Variants in SPTAN1 observed in about 807,000 individuals in gnomAD.
SPTAN1 encodes the protein spectrin alpha chain, non-erythrocytic 1.
SPTAN1 carries 61 observed loss-of-function variants against 331.3 expected under a neutral mutation model. That is an observed-to-expected ratio of 0.18 (90% CI 0.15 to 0.23). The LOEUF (loss-of-function observed/expected upper bound fraction) is 0.23. Ranked by LOEUF, SPTAN1 falls within the 10% of genes least tolerant of loss-of-function variation. The probability of loss-of-function intolerance (pLI) is 1.00; values close to 1 mark genes in which losing one functional copy is unlikely to be tolerated. For synonymous variants in SPTAN1, 1,153 were observed against 1,173.9 expected, an observed-to-expected ratio of 0.98 and a Z score of 0.36; for missense variants, 2,043 against 3,147.9, an observed-to-expected ratio of 0.65 and a Z score of 8.40.
At chr9:128,573,763 T>C (rs1589172407) in intron 3 of SPTAN1, among the ~76,000 whole-genome samples, 1 of 150,760 alleles carries the variant, frequency 6.6e-6, no homozygotes, top group East Asian at 1.9e-4. Context: ...CCTTTTCTAC[T>C]TTTTTTTTGA....
rs1207318320 is a variant in SPTAN1 at position 128,618,899 on chromosome 9, T to C, written c.5629T>C (p.Tyr1877His). Residue 1877 changes from tyrosine (Y) to histidine (H), a missense_variant, in exon 44 of 57, where the codon TAT (tyrosine) becomes CAT (histidine). By Grantham distance (83) the Tyr-to-His change is moderately conservative (BLOSUM62 2). Coordinates refer to ENST00000372739, the MANE Select transcript of SPTAN1 (RefSeq NM_001130438.3). Reference sequence around the variant, plus strand: ...TCAGCGGCTGGAAGAGTCCTTGGAATATCAGCAGTTTGTAGCCAATGTGGA... The same window carrying C: ...TCAGCGGCTGGAAGAGTCCTTGGAACATCAGCAGTTTGTAGCCAATGTGGA... The part of the protein sequence containing the change: ...RGQRLEESLE[Y>H]QQFVANVEEE... 6.2e-7 allele frequency: 1 copy of C among 1,614,152 alleles called. No homozygotes were observed. The highest frequency in any genetic ancestry group is 8.5e-7 in the Non-Finnish European group (1 of 1,180,030).
chr9:128,582,235 C>G (rs928305880), intron 12 of SPTAN1, among the ~76,000 whole-genome samples: 1 of 152,136 alleles, frequency 6.6e-6, no homozygotes, highest in African/African-American at 2.4e-5. Flanking sequence ...GCCAGGAGAT[C>G]GTGCCACAAC....
At chr9:128,553,398 CAAA>C (rs2132599031) in intron 1 of SPTAN1, 1 of 8,654 alleles carries the variant, frequency 1.2e-4, no homozygotes, top group East Asian at 0.083. Context: ...TGGCTCAAAT[CAAA>C]TAACTTAATA....
chr9:128,616,188 A>G (rs116056440), intron 41 of SPTAN1, among the ~76,000 whole-genome samples: 2,335 of 152,062 alleles, frequency 0.015, 70 homozygotes, highest in African/African-American at 0.053. Context: ...ATGTCAGTCT[A>G]CTGATTCCAG....
intron 10 of SPTAN1, among the ~76,000 whole-genome samples, chr9:128,579,965 G>A (rs1405984086): frequency 6.6e-6 from 1 of 152,044 alleles, no homozygotes; most frequent in East Asian, 1.9e-4. Context: ...CTACTTACAG[G>A]GACTTTCTGT....
chr9:128,567,929 T>G (rs1850228725), intron 2 of SPTAN1, among the ~76,000 whole-genome samples: 1 of 151,848 alleles, frequency 6.6e-6, no homozygotes, highest in South Asian at 2.1e-4. Flanking sequence ...CCCAGCTAAT[T>G]TTTTGTATCT....
At chr9:128,580,820 A>G in intron 10 of SPTAN1, 102 bp from the exon 11 acceptor site, 2 of 1,553,970 alleles carry the variant, frequency 1.3e-6, no homozygotes, top group South Asian at 2.2e-5. Context: ...AAAGGCCTGA[A>G]GATTAGCACT....
intron 24 of SPTAN1, chr9:128,596,064 A>C (rs1854235789): frequency 6.6e-6 from 1 of 152,098 alleles, no homozygotes; most frequent in African/African-American, 2.4e-5. Context: ...GTCTGGTCTC[A>C]AACTCCTGAG....
intron 26 of SPTAN1, chr9:128,599,685 TAAAAAAAA>T (rs5900811): frequency 1.6e-5 from 2 of 124,322 alleles, no homozygotes; most frequent in Non-Finnish European, 3.1e-5. Flanking sequence ...AGCACAGCTC[TAAAAAAAA>T]AAAAAAAAAA....
intron 45 of SPTAN1, among the ~76,000 whole-genome samples, chr9:128,624,039 C>T (rs553640705): frequency 2.1e-5 from 3 of 144,318 alleles, no homozygotes; most frequent in South Asian, 2.2e-4. Context: ...GCCGAGATCA[C>T]GCCACTGCAT....
intron 25 of SPTAN1, 49 bp downstream of exon 25, chr9:128,598,553 C>G (rs760402274): frequency 1.4e-6 from 2 of 1,385,016 alleles, no homozygotes; most frequent in South Asian, 2.4e-5. Flanking sequence ...AAGGATGCAG[C>G]TTTGTTCCTC....
At chr9:128,593,919 C>T (rs908337338) in intron 23 of SPTAN1, 5 of 493,318 alleles carry the variant, frequency 1.0e-5, no homozygotes, top group Admixed American at 2.9e-5. Context: ...AGTGCAGAAT[C>T]GGCCTGGGGA....
chr9:128,553,689 C>T (rs930791098), intron 1 of SPTAN1, among the ~76,000 whole-genome samples: 7 of 152,178 alleles, frequency 4.6e-5, no homozygotes, highest in Non-Finnish European at 8.8e-5. Flanking sequence ...TGAGATGATG[C>T]TTGAACTGTT....
chr9:128,591,487 A>G lies in SPTAN1; in HGVS notation c.3017A>G (p.Lys1006Arg). The G allele has an allele frequency of 6.2e-7, 1 of 1,614,092 alleles. No homozygotes were observed. Among genetic ancestry groups the G allele is most frequent in the Non-Finnish European group, 8.5e-7 (1 of 1,180,004 alleles). ...CTCTTTTTTCCTTAGGATTGGTGGA[A>G]AGTGGAAGTGAACGATCGTCAGGGT... ...LLNSTNKDWW[K>R]VEVNDRQGFV... is the part of the protein sequence containing the mutation. The change falls in exon 22 of 57, where the codon AAA (lysine) becomes AGA (arginine). Residue 1006 changes from lysine to arginine, a missense_variant. Physicochemically the swap from Lys to Arg is conservative, Grantham distance 26 (BLOSUM62 2). Transcript: ENST00000372739.
intron 31 of SPTAN1, among the ~76,000 whole-genome samples, chr9:128,605,878 G>C (rs1159589445): frequency 6.6e-6 from 1 of 151,908 alleles, no homozygotes; most frequent in Non-Finnish European, 1.5e-5. Context: ...TGTAATCCCA[G>C]CTACTCAGGA....
chr9:128,611,945 G>T (rs1373654950), intron 38 of SPTAN1, 100 bp downstream of exon 38: 16 of 1,604,286 alleles, frequency 1.0e-5, no homozygotes, highest in Non-Finnish European at 1.3e-5. Flanking sequence ...ACACTAAATG[G>T]ATTATAGAAG....
intron 44 of SPTAN1, among the ~76,000 whole-genome samples, chr9:128,619,474 C>G (rs1857583801): frequency 6.6e-6 from 1 of 152,196 alleles, no homozygotes; most frequent in Non-Finnish European, 1.5e-5. Flanking sequence ...TTGCCTCTTC[C>G]AGTTTTTGCT....
intron 20 of SPTAN1, among the ~76,000 whole-genome samples, chr9:128,588,280 G>GC (rs1453109174): frequency 2.0e-5 from 3 of 149,894 alleles, no homozygotes; most frequent in Middle Eastern, 3.3e-3. Context: ...ATAGGTATGA[G>GC]CACTGTGCCC....
intron 37 of SPTAN1, chr9:128,611,469 C>CA (rs931958049): frequency 1.0e-4 from 48 of 468,300 alleles, no homozygotes; most frequent in Admixed American, 2.9e-4. Context: ...GACCCTGTCT[C>CA]AAAAAAAAGG....
Sources: allele counts gnomAD v4.1 joint callset (sites outside exome capture counted in the v4.1 genomes callset), GRCh38; gene constraint gnomAD v4.1.1; transcripts MANE v1.5; gene names NCBI Gene and HGNC (gene_info 2026-07-23, HGNC 2026-07-21).